Variants in ITSN1 observed in about 807,000 individuals in gnomAD.
The protein encoded by ITSN1 is intersectin 1, also known as intersectin-1.
A neutral mutation model predicts 239.8 loss-of-function variants in ITSN1; 58 were observed. The observed-to-expected ratio is 0.24, with a 90% CI of 0.20 to 0.30. The LOEUF (loss-of-function observed/expected upper bound fraction) is 0.30, where lower values mean the gene tolerates loss of function less well. Among genes scored for constraint, ITSN1 ranks in the 10% least tolerant of loss-of-function variants. ITSN1 has a pLI of 1.00. For missense variants in ITSN1, 1,558 were observed against 2,103.3 expected, an observed-to-expected ratio of 0.74 and a Z score of 5.07; for synonymous variants, 780 against 770.8, an observed-to-expected ratio of 1.01 and a Z score of -0.20.
intron 1 of ITSN1, among the ~76,000 whole-genome samples, chr21:33,660,967 A>G (rs756504160): frequency 2.0e-5 from 3 of 152,250 alleles, no homozygotes; most frequent in African/African-American, 4.8e-5. Flanking sequence ...TCATTAAACA[A>G]TATCACAAAA....
intron 1 of ITSN1, among the ~76,000 whole-genome samples, chr21:33,651,378 C>T (rs1300013932): frequency 1.3e-5 from 2 of 152,188 alleles, no homozygotes; most frequent in Admixed American, 6.5e-5. Flanking sequence ...TCCATTGACT[C>T]GGCTTCCAGC....
chr21:33,731,628 C>T (rs1345428423), intron 4 of ITSN1, among the ~76,000 whole-genome samples: 1 of 152,044 alleles, frequency 6.6e-6, no homozygotes, highest in Non-Finnish European at 1.5e-5. Flanking sequence ...AACTTTATGC[C>T]AGAGGTGCAA....
intron 33 of ITSN1, among the ~76,000 whole-genome samples, chr21:33,872,698 A>C (rs746749479): frequency 6.6e-6 from 1 of 151,988 alleles, no homozygotes; most frequent in Non-Finnish European, 1.5e-5. Context: ...CGCCCGGCTA[A>C]TTTTTGTGTT....
intron 17 of ITSN1, 78 bp downstream of exon 17, chr21:33,794,546 A>G (rs1249886194): frequency 2.0e-5 from 31 of 1,531,754 alleles, no homozygotes; most frequent in Non-Finnish European, 2.7e-5. Flanking sequence ...TTCTCCAAGT[A>G]GTTACTGCAC....
intron 4 of ITSN1, among the ~76,000 whole-genome samples, chr21:33,730,388 CTTTTTTTTTTTT>C (rs71194863): frequency 7.3e-4 from 36 of 49,372 alleles, no homozygotes; most frequent in Middle Eastern, 0.019. Flanking sequence ...GCTCTCTGTT[CTTTTTTTTTTTT>C]TTTTTTTTTT....
At chr21:33,863,481 C>A (rs1981013420) in intron 31 of ITSN1, among the ~76,000 whole-genome samples, 2 of 152,150 alleles carry the variant, frequency 1.3e-5, no homozygotes, top group African/African-American at 2.4e-5. Flanking sequence ...CATGGCGAAA[C>A]CCCATCTCTA....
At chr21:33,821,895 G>GCT (rs2148295507) in intron 24 of ITSN1, among the ~76,000 whole-genome samples, 1 of 152,322 alleles carries the variant, frequency 6.6e-6, no homozygotes, top group East Asian at 1.9e-4. Flanking sequence ...AAATGAAAAG[G>GCT]GAAGGGTGAG....
Position 33,834,356 on chromosome 21 carries a change from A to G in ITSN1, c.3401A>G (p.Lys1134Arg), listed in dbSNP as rs747710795. The G allele has an allele frequency of 4.3e-6, 7 of 1,614,236 alleles. No homozygotes were observed. Among genetic ancestry groups the G allele is most frequent in the Non-Finnish European group, 1.7e-6 (2 of 1,180,018 alleles). ...QIGWFPANYV[K>R]LLSPGTSKIT... ...GGCTGGTTCCCAGCTAATTATGTAA[A>G]GCTTCTAAGCCCTGGGACGAGCAAA... is the stretch of plus-strand genomic sequence containing the variant. The change falls in exon 28 of 40, where the codon AAG becomes AGG. Residue 1134 changes from lysine (K) to arginine (R), a missense_variant. Lys to Arg is a conservative substitution (Grantham distance 26). Transcript: ENST00000381318.
chr21:33,714,234 T>A (rs2092503626), intron 1 of ITSN1, among the ~76,000 whole-genome samples: 1 of 152,236 alleles, frequency 6.6e-6, no homozygotes. Flanking sequence ...TTAGGTAGAT[T>A]CCTTGTTCAC....
rs190294367 is a variant in ITSN1, at chr21:33,646,039, G to A, written c.-33+3326G>A. Among the ~76,000 whole-genome samples, 164 of 152,294 alleles carry A rather than the reference G, an allele frequency of 1.1e-3. 1 individual carries two copies. The highest frequency in any genetic ancestry group is 2.5e-3 in the South Asian group (12 of 4,824). The stretch of plus-strand genomic sequence containing the variant: ...AATTAAACATTTGTTGAGTGAATAC[G>A]TGAATTACATTGCAGCGAGGCCAAT... On this transcript the variant is annotated intron_variant, in intron 1 of 39. Transcript: ENST00000381318.
In ITSN1 at chr21:33,886,345, G is replaced by A. The variant is rs755507331; in HGVS notation, c.4902G>A (p.Thr1634=). 2.7e-5 allele frequency: 43 copies of A among 1,613,842 alleles called. No homozygotes were observed. The highest frequency in any genetic ancestry group is 4.0e-5 in the African/African-American group (3 of 74,844). Residue 1634 remains threonine, a synonymous_variant, in exon 39 of 40, where the codon ACG becomes ACA. Transcript: ENST00000381318. Reference sequence around the variant, plus strand: ...GTTCCCAGTGCCACATCACCAAGACGATCCAGGACACTCTGAACCCCAAGT... The same window carrying A: ...GTTCCCAGTGCCACATCACCAAGACAATCCAGGACACTCTGAACCCCAAGT... ...TMGSQCHITK[T]IQDTLNPKWN... is the part of the protein sequence containing the mutation.
At chr21:33,886,200 A>C in intron 38 of ITSN1, 87 bp from the exon 39 acceptor site, 2 of 1,178,032 alleles carry the variant, frequency 1.7e-6, no homozygotes, top group Non-Finnish European at 2.4e-6. Flanking sequence ...CGACAGAGCA[A>C]GAATCCATCT....
rs555846117 is a variant in ITSN1 at position 33,859,144 on chromosome 21, C to T, written c.3890+352C>T. On this transcript the variant is annotated intron_variant, in intron 31 of 39. Coordinates refer to ENST00000381318, the MANE Select transcript of ITSN1 (RefSeq NM_003024.3). ...CCCCCTCTACGCTTTCCCTCGGACGCGGGATCCCATGGGGGATTATTGGTC... is the reference window on the plus strand; with the variant it reads ...CCCCCTCTACGCTTTCCCTCGGACGTGGGATCCCATGGGGGATTATTGGTC... Among the ~76,000 whole-genome samples the T allele has an allele frequency of 7.0e-4, 106 of 152,266 alleles. 2 individuals are homozygous for T. The highest frequency in any genetic ancestry group is 1.0e-3 in the Non-Finnish European group (71 of 68,014).
At chr21:33,694,331 A>G (rs2091695116) in intron 1 of ITSN1, among the ~76,000 whole-genome samples, 1 of 151,902 alleles carries the variant, frequency 6.6e-6, no homozygotes, top group Non-Finnish European at 1.5e-5. Context: ...GCCTGGCTGG[A>G]TGTTTCATAA....
chr21:33,707,483 A>G (rs1379752286), intron 1 of ITSN1, among the ~76,000 whole-genome samples: 1 of 152,108 alleles, frequency 6.6e-6, no homozygotes, highest in Non-Finnish European at 1.5e-5. Flanking sequence ...CTGTGAAATC[A>G]TCATTCCCAA....
chr21:33,701,496 AT>A (rs1025850180), intron 1 of ITSN1, among the ~76,000 whole-genome samples: 3 of 151,842 alleles, frequency 2.0e-5, no homozygotes, highest in Admixed American at 6.6e-5. Context: ...TCTCCCTTTA[AT>A]TTTTAAAAAA....
intron 1 of ITSN1, among the ~76,000 whole-genome samples, chr21:33,699,774 A>G (rs1001325059): frequency 3.3e-5 from 5 of 152,172 alleles, no homozygotes; most frequent in African/African-American, 1.2e-4. Flanking sequence ...ATTTTATTTT[A>G]TTTAGAGACA....
chr21:33,825,937 T>G (rs1371385695), intron 25 of ITSN1, among the ~76,000 whole-genome samples: 1 of 152,232 alleles, frequency 6.6e-6, no homozygotes, highest in East Asian at 1.9e-4. Flanking sequence ...GTAACTCATG[T>G]TTTGTTTATT....
In ITSN1 at chr21:33,842,495, G is replaced by GGTGTGTGT. The variant is rs34019939; in HGVS notation, c.3661+5891_3661+5898dup. Among the ~76,000 whole-genome samples the GGTGTGTGT allele has an allele frequency of 5.0e-3, 737 of 148,160 alleles. 5 individuals carry two copies. The highest frequency in any genetic ancestry group is 0.015 in the African/African-American group (601 of 40,370). On this transcript the variant is annotated intron_variant, in intron 29 of 39. Transcript: ENST00000381318. Reference sequence around the variant, plus strand: ...CATGCTGTTGTTTTATGATGTCAACGGTGTGTGTGTGTGTGTGTGTGTGTG... The same window carrying GGTGTGTGT: ...CATGCTGTTGTTTTATGATGTCAACGGTGTGTGTGTGTGTGTGTGTGTGTGTGTGTGTG...
Sources: allele counts gnomAD v4.1 joint callset (sites outside exome capture counted in the v4.1 genomes callset), GRCh38; gene constraint gnomAD v4.1.1; transcripts MANE v1.5; gene names NCBI Gene and HGNC (gene_info 2026-07-23, HGNC 2026-07-21).